ACYP2: variants seen among roughly 807,000 people sequenced by gnomAD.
ACYP2 encodes acylphosphatase-2.
In ACYP2, 12 loss-of-function variants were observed where a neutral mutation model predicts 11.2. The ratio of observed to expected loss-of-function variants is 1.08; its 90% CI spans 0.69 to 1.74. The LOEUF (loss-of-function observed/expected upper bound fraction) is 1.74. Ranked by LOEUF, ACYP2 falls within the 40% of genes most tolerant of loss-of-function variation. ACYP2 has a pLI of 0.00. For missense variants in ACYP2, 134 were observed against 101.9 expected (o/e 1.31, Z -1.35); for synonymous variants, 43 against 32.2 (o/e 1.33, Z -1.13).
chr2:54,272,291 GTC>G (rs1688342467), intron 6 of ACYP2, among the ~76,000 whole-genome samples: 1 of 152,188 alleles, frequency 6.6e-6, no homozygotes, highest in Non-Finnish European at 1.5e-5. Flanking sequence ...GTGAGTCTGT[GTC>G]TCTGGGCTCC....
At chr2:54,304,193 T>C (rs17045803) in intron 6 of ACYP2, among the ~76,000 whole-genome samples, 1,598 of 149,794 alleles carry the variant, frequency 0.011, 32 homozygotes, top group African/African-American at 0.037. Context: ...TCTTTAAGTA[T>C]GGATCTCTTT....
At chr2:54,099,347 A>G (rs770824661) in intron 4 of ACYP2, among the ~76,000 whole-genome samples, 4 of 152,208 alleles carry the variant, frequency 2.6e-5, no homozygotes, top group African/African-American at 9.6e-5. Context: ...GTTATTAACT[A>G]TAGTCACCAT....
chr2:54,158,472 C>G (rs529364411), intron 6 of ACYP2, among the ~76,000 whole-genome samples: 127 of 152,262 alleles, frequency 8.3e-4, no homozygotes, highest in African/African-American at 2.8e-3. Context: ...TCTCAAAGCA[C>G]TGGGATGACA....
chr2:54,040,531 C>G (rs1249321111), intron 2 of ACYP2, among the ~76,000 whole-genome samples: 1 of 152,000 alleles, frequency 6.6e-6, no homozygotes, highest in Non-Finnish European at 1.5e-5. Context: ...AGGGCTGAAT[C>G]TTGGGATGCT....
At chr2:54,200,146 A>G (rs1284757792) in intron 6 of ACYP2, among the ~76,000 whole-genome samples, 1 of 152,180 alleles carries the variant, frequency 6.6e-6, no homozygotes, top group Non-Finnish European at 1.5e-5. Flanking sequence ...AAAAAATCTG[A>G]AGCTGAGTTT....
At chr2:54,121,534 T>C in intron 4 of ACYP2, among the ~76,000 whole-genome samples, 1 of 152,194 alleles carries the variant, frequency 6.6e-6, no homozygotes, top group Non-Finnish European at 1.5e-5. Flanking sequence ...AAATGAAAAC[T>C]GGGATGAATT....
intron 2 of ACYP2, among the ~76,000 whole-genome samples, chr2:54,046,216 C>T (rs919366021): frequency 1.3e-5 from 2 of 149,032 alleles, no homozygotes; most frequent in Admixed American, 6.7e-5. Flanking sequence ...TGGCTTACAC[C>T]TGTAATCCCA....
At chr2:54,114,847 G>A (rs1267579210) in intron 4 of ACYP2, among the ~76,000 whole-genome samples, 4 of 152,168 alleles carry the variant, frequency 2.6e-5, no homozygotes, top group Non-Finnish European at 5.9e-5. Flanking sequence ...TACGAGTTCA[G>A]GCTCAATTCC....
intron 2 of ACYP2, among the ~76,000 whole-genome samples, chr2:54,032,865 A>G (rs1337760686): frequency 2.0e-5 from 3 of 152,202 alleles, no homozygotes; most frequent in Admixed American, 6.5e-5. Flanking sequence ...GTGGATAAAA[A>G]GAATCAATAT....
intron 6 of ACYP2, among the ~76,000 whole-genome samples, chr2:54,152,785 T>C (rs1445544531): frequency 6.6e-6 from 1 of 152,214 alleles, no homozygotes; most frequent in Non-Finnish European, 1.5e-5. Flanking sequence ...AAGTTGTTTA[T>C]ATATTCACTT....
chr2:54,167,792 G>C (rs1189247592), intron 6 of ACYP2, among the ~76,000 whole-genome samples: 1 of 152,156 alleles, frequency 6.6e-6, no homozygotes. Flanking sequence ...AATTCAGAGG[G>C]AAGAGAGTTG....
At chr2:54,023,039 T>G (rs1273254420) in intron 2 of ACYP2, among the ~76,000 whole-genome samples, 1 of 152,236 alleles carries the variant, frequency 6.6e-6, no homozygotes, top group Non-Finnish European at 1.5e-5. Flanking sequence ...TTGTATTCTT[T>G]TCTCTTGTTA....
At chr2:54,155,101 T>C (rs1458239798) in intron 6 of ACYP2, among the ~76,000 whole-genome samples, 2 of 152,200 alleles carry the variant, frequency 1.3e-5, no homozygotes, top group Admixed American at 1.3e-4. Context: ...CGTACTAATC[T>C]TTATGATTCT....
chr2:54,162,848 C>T (rs565947150), intron 6 of ACYP2, among the ~76,000 whole-genome samples: 3 of 152,112 alleles, frequency 2.0e-5, no homozygotes, highest in East Asian at 1.9e-4. Context: ...GTTAGCCGGG[C>T]GTTGTGATGC....
intron 6 of ACYP2, among the ~76,000 whole-genome samples, chr2:54,291,495 A>G (rs1482921433): frequency 1.3e-5 from 2 of 152,180 alleles, no homozygotes; most frequent in Non-Finnish European, 2.9e-5. Flanking sequence ...CTCTATTCCA[A>G]ACTCCTTCTG....
intron 6 of ACYP2, among the ~76,000 whole-genome samples, chr2:54,258,489 G>A (rs891709353): frequency 1.3e-5 from 2 of 152,198 alleles, no homozygotes; most frequent in African/African-American, 4.8e-5. Context: ...GTATGATAGT[G>A]TAAGAAATTT....
At position 54,275,307 on chromosome 2, in the gene ACYP2, GCTGA is replaced by G. The variant is rs1273466219; in HGVS notation, c.405-29378_405-29375del. On this transcript the variant is annotated intron_variant, in intron 6 of 6. Transcript: ENST00000607452. ...ATCTGAGTATACTTTTCCAGAAACA[GCTGA>G]CTATTTAGGTCTCGTTATCTGTCCT... Among the ~76,000 whole-genome samples the G allele has an allele frequency of 2.0e-5, 3 of 152,262 alleles. No individual in the cohort carries two copies. In the East Asian group the frequency reaches 5.8e-4, roughly 29 times the overall value.
chr2:54,145,073 G>T (rs922144403), intron 6 of ACYP2, among the ~76,000 whole-genome samples: 1 of 151,906 alleles, frequency 6.6e-6, no homozygotes, highest in Non-Finnish European at 1.5e-5. Flanking sequence ...TGGATAGTTT[G>T]TAATTTCATT....
At chr2:54,277,244 G>C (rs1688636422) in intron 6 of ACYP2, among the ~76,000 whole-genome samples, 1 of 152,172 alleles carries the variant, frequency 6.6e-6, no homozygotes. Flanking sequence ...GGACCAATGG[G>C]AGATTCAGTG....
Sources: allele counts gnomAD v4.1 joint callset (sites outside exome capture counted in the v4.1 genomes callset), GRCh38; gene constraint gnomAD v4.1.1; transcripts MANE v1.5; gene names NCBI Gene and HGNC (gene_info 2026-07-23, HGNC 2026-07-21).